Variants in DLG2 observed in about 807,000 individuals in gnomAD.
The protein encoded by DLG2 is discs large MAGUK scaffold protein 2, also known as disks large homolog 2.
Under a neutral mutation model 132.5 loss-of-function variants are expected in DLG2, and 45 were observed. That is an observed-to-expected ratio of 0.34 (90% CI 0.27 to 0.44). The LOEUF is 0.44. Among genes scored for constraint, DLG2 ranks in the 20% least tolerant of loss-of-function variants. The pLI, the probability that DLG2 is intolerant of heterozygous loss-of-function variation, is 1.00. For missense variants in DLG2, 1,045 were observed against 1,196.9 expected (o/e 0.87, Z 1.87); for synonymous variants, 424 against 419.6 (o/e 1.01, Z -0.13).
At chr11:83,907,152 A>C (rs1199543380) in intron 15 of DLG2, among the ~76,000 whole-genome samples, 3 of 152,172 alleles carry the variant, frequency 2.0e-5, no homozygotes, top group Admixed American at 2.0e-4. Flanking sequence ...GAGAAAGAAG[A>C]AATGAGAGAA....
chr11:85,594,930 G>A (rs1321787733), intron 3 of DLG2, among the ~76,000 whole-genome samples: 1 of 151,832 alleles, frequency 6.6e-6, no homozygotes, highest in East Asian at 1.9e-4. Flanking sequence ...GCCAGGAGTG[G>A]TGGTGCATGC....
At chr11:85,550,486 G>A (rs2076600517) in intron 3 of DLG2, among the ~76,000 whole-genome samples, 1 of 152,230 alleles carries the variant, frequency 6.6e-6, no homozygotes, top group South Asian at 2.1e-4. Flanking sequence ...GCAGGTCCAA[G>A]TGAGTGGGGT....
intron 19 of DLG2, among the ~76,000 whole-genome samples, chr11:83,584,871 T>A (rs533742582): frequency 6.6e-6 from 1 of 152,214 alleles, no homozygotes; most frequent in Non-Finnish European, 1.5e-5. Flanking sequence ...CAGTCAACTG[T>A]AGGTGCTGGG....
At chr11:85,006,464 T>C (rs2058669159) in intron 6 of DLG2, among the ~76,000 whole-genome samples, 1 of 152,202 alleles carries the variant, frequency 6.6e-6, no homozygotes, top group Non-Finnish European at 1.5e-5. Flanking sequence ...GGAAGGTATA[T>C]GTGTCCAGCA....
chr11:85,128,770 G>A (rs2075402301), intron 5 of DLG2, among the ~76,000 whole-genome samples: 1 of 152,058 alleles, frequency 6.6e-6, no homozygotes, highest in Non-Finnish European at 1.5e-5. Context: ...AAAATGTGTT[G>A]CATTAGTTAT....
chr11:85,092,145 C>T (rs1258278981), intron 6 of DLG2, among the ~76,000 whole-genome samples: 1 of 152,186 alleles, frequency 6.6e-6, no homozygotes, highest in African/African-American at 2.4e-5. Flanking sequence ...ACACATTAAT[C>T]TCCTTGTATT....
intron 3 of DLG2, among the ~76,000 whole-genome samples, chr11:85,489,842 G>A (rs934178221): frequency 6.6e-6 from 1 of 150,582 alleles, no homozygotes. Context: ...AAATTATGAA[G>A]GAATTTTTTT....
At chr11:84,220,780 C>CTTTTTTTTTTTTTTTTTTTTTTTT in intron 8 of DLG2, among the ~76,000 whole-genome samples, 1 of 77,540 alleles carries the variant, frequency 1.3e-5, no homozygotes, top group Non-Finnish European at 2.4e-5. Flanking sequence ...TTTTTCTTTT[C>CTTTTTTTTTTTTTTTTTTTTTTTT]TTTTTTTTTT....
At chr11:85,467,903 A>G (rs2092848162) in intron 3 of DLG2, among the ~76,000 whole-genome samples, 1 of 152,118 alleles carries the variant, frequency 6.6e-6, no homozygotes, top group South Asian at 2.1e-4. Flanking sequence ...AACTCCTTGT[A>G]CCTCTGGTAG....
chr11:84,159,217 A>G (rs764169179), intron 9 of DLG2, among the ~76,000 whole-genome samples: 2 of 152,226 alleles, frequency 1.3e-5, no homozygotes, highest in Admixed American at 1.3e-4. Flanking sequence ...ATCACTTTAT[A>G]TTTATATACT....
intron 8 of DLG2, among the ~76,000 whole-genome samples, chr11:84,225,738 T>C (rs922717200): frequency 6.6e-6 from 1 of 152,092 alleles, no homozygotes; most frequent in Admixed American, 6.6e-5. Context: ...ACACTCTATA[T>C]AGAGAAGGTA....
chr11:85,231,368 A>G (rs1231290714), intron 4 of DLG2, among the ~76,000 whole-genome samples: 2 of 152,114 alleles, frequency 1.3e-5, no homozygotes, highest in African/African-American at 2.4e-5. Flanking sequence ...TATATCAAGT[A>G]TTGTACTTTT....
intron 18 of DLG2, among the ~76,000 whole-genome samples, chr11:83,697,991 T>C (rs1027733478): frequency 6.6e-6 from 1 of 152,188 alleles, no homozygotes; most frequent in Non-Finnish European, 1.5e-5. Flanking sequence ...CATAGGAGCT[T>C]TTGATTACAG....
At chr11:83,824,120 G>A (rs768512110) in intron 17 of DLG2, among the ~76,000 whole-genome samples, 10 of 152,096 alleles carry the variant, frequency 6.6e-5, no homozygotes, top group Admixed American at 1.3e-4. Context: ...AAATCACAGC[G>A]CAGTATCCAG....
chr11:83,663,327 C>T (rs1391469482), intron 18 of DLG2, among the ~76,000 whole-genome samples: 2 of 152,146 alleles, frequency 1.3e-5, no homozygotes, highest in African/African-American at 2.4e-5. Context: ...AAGGACTGCT[C>T]ACAGTGGGTA....
chr11:84,688,078 G>C (rs1191890435), intron 6 of DLG2, among the ~76,000 whole-genome samples: 1 of 152,144 alleles, frequency 6.6e-6, no homozygotes, highest in African/African-American at 2.4e-5. Context: ...GTGGTCCTCA[G>C]TTTTCAGATG....
At chr11:84,492,255 A>G (rs1382797102) in intron 7 of DLG2, among the ~76,000 whole-genome samples, 1 of 152,172 alleles carries the variant, frequency 6.6e-6, no homozygotes, top group East Asian at 1.9e-4. Flanking sequence ...AGCTAACTGC[A>G]TATAATCAGT....
intron 17 of DLG2, among the ~76,000 whole-genome samples, chr11:83,795,620 T>C (rs975962595): frequency 6.6e-6 from 1 of 152,106 alleles, no homozygotes; most frequent in Non-Finnish European, 1.5e-5. Context: ...TGAAGATGAG[T>C]GGTTTACCAT....
chr11:83,708,075 C>T (rs7931407), intron 18 of DLG2, among the ~76,000 whole-genome samples: 50,304 of 152,068 alleles, frequency 0.33, 9,880 homozygotes, highest in African/African-American at 0.55. Flanking sequence ...ATGAAATTTA[C>T]GTAAAAGCTC....
Sources: allele counts gnomAD v4.1 joint callset (sites outside exome capture counted in the v4.1 genomes callset), GRCh38; gene constraint gnomAD v4.1.1; transcripts MANE v1.5; gene names NCBI Gene and HGNC (gene_info 2026-07-23, HGNC 2026-07-21).